The following GALNTL6 variants were observed in gnomAD, a reference collection of about 807,000 sequenced individuals.
GALNTL6 encodes the protein polypeptide N-acetylgalactosaminyltransferase-like 6.
A neutral mutation model predicts 73.7 loss-of-function variants in GALNTL6; 46 were observed. That is an observed-to-expected ratio of 0.62 (90% CI 0.49 to 0.80). GALNTL6 has a LOEUF of 0.80. Among genes scored for constraint, GALNTL6 ranks in the 30% least tolerant of loss-of-function variants. The pLI, the probability that GALNTL6 is intolerant of heterozygous loss-of-function variation, is 0.00. For missense variants in GALNTL6, 604 were observed against 755.0 expected (o/e 0.80, Z 2.34); for synonymous variants, 259 against 263.7 (o/e 0.98, Z 0.17).
At position 172,380,323 on chromosome 4, in the gene GALNTL6, T is replaced by C. The variant is rs960429804; in HGVS notation, c.553+31634T>C. 1.2e-5 allele frequency: 9 copies of C among 731,546 alleles called. No homozygotes were observed. The African/African-American group carries it at 1.6e-4, about 13-fold the overall frequency. The allele number at this position is 731,546 out of a possible 1,614,324, so 45.3% of individuals were successfully genotyped here. A position where few individuals can be genotyped will look rare whatever the true frequency, so the allele number is the denominator to read the frequency against. ...TTGGGTATTCTTCTGGAAGAAATAG[T>C]CCAAGTTTAAAAGTCCCTCCCTCAC... On this transcript the variant is annotated intron_variant, in intron 5 of 12. Transcript: ENST00000506823.
intron 5 of GALNTL6, among the ~76,000 whole-genome samples, chr4:172,728,272 A>G (rs139888887): frequency 5.9e-5 from 9 of 151,416 alleles, no homozygotes; most frequent in African/African-American, 2.2e-4. Flanking sequence ...CTCTTATATT[A>G]CTCCATTTTA....
At chr4:172,156,157 G>T (rs1734248551) in intron 2 of GALNTL6, among the ~76,000 whole-genome samples, 1 of 152,042 alleles carries the variant, frequency 6.6e-6, no homozygotes, top group African/African-American at 2.4e-5. Flanking sequence ...CTGTAAACAG[G>T]AAGTGTCCGA....
chr4:172,993,666 C>T (rs77080358), intron 10 of GALNTL6, among the ~76,000 whole-genome samples: 1 of 152,234 alleles, frequency 6.6e-6, no homozygotes, highest in Non-Finnish European at 1.5e-5. Context: ...TCGCTTCCCT[C>T]AAAACCTCTT....
chr4:172,881,765 A>C (rs1223328559), intron 7 of GALNTL6, among the ~76,000 whole-genome samples: 3 of 152,190 alleles, frequency 2.0e-5, no homozygotes, highest in Non-Finnish European at 4.4e-5. Context: ...GATCTGCATA[A>C]GGGTGTTCTC....
chr4:172,973,496 G>T, intron 10 of GALNTL6, among the ~76,000 whole-genome samples: 1 of 152,168 alleles, frequency 6.6e-6, no homozygotes, highest in East Asian at 1.9e-4. Flanking sequence ...AGAGAGAAAA[G>T]AGGAGATAGG....
At chr4:172,134,013 G>T (rs1402033661) in intron 2 of GALNTL6, among the ~76,000 whole-genome samples, 1 of 152,186 alleles carries the variant, frequency 6.6e-6, no homozygotes. Context: ...CAGAAAATTA[G>T]TTGACTGAAG....
intron 2 of GALNTL6, among the ~76,000 whole-genome samples, chr4:172,184,037 C>G (rs1456332936): frequency 6.6e-6 from 1 of 152,122 alleles, no homozygotes; most frequent in Non-Finnish European, 1.5e-5. Flanking sequence ...GTGATCCACC[C>G]ACCTCGGCCT....
At chr4:172,457,809 GA>G (rs1277589123) in intron 5 of GALNTL6, among the ~76,000 whole-genome samples, 1 of 152,162 alleles carries the variant, frequency 6.6e-6, no homozygotes, top group Non-Finnish European at 1.5e-5. Flanking sequence ...CAACGAGACA[GA>G]AAATTAACAA....
chr4:172,418,243 G>A (rs1395159604), intron 5 of GALNTL6, among the ~76,000 whole-genome samples: 1 of 152,068 alleles, frequency 6.6e-6, no homozygotes, highest in Non-Finnish European at 1.5e-5. Context: ...CAAGATGTTT[G>A]CATTACATTC....
rs10642038 is a variant in GALNTL6 at position 172,529,670 on chromosome 4, TTTGTTGTTGTTG to T, written c.553+181003_553+181014del. On this transcript the variant is annotated intron_variant, in intron 5 of 12. Transcript: ENST00000506823. ...ATGCAAAGTTGGAGTACCTAATTTGTTTGTTGTTGTTGTTGTTGTTGTTGTTGTTGTTGAGAT... is the reference window on the plus strand; with the variant it reads ...ATGCAAAGTTGGAGTACCTAATTTGTTTGTTGTTGTTGTTGTTGTTGAGAT... Among the ~76,000 whole-genome samples, 126 of 148,234 alleles carry T rather than the reference TTTGTTGTTGTTG, an allele frequency of 8.5e-4. 3 individuals carry two copies. In the South Asian group the frequency reaches 0.018, roughly 21 times the overall value.
intron 2 of GALNTL6, among the ~76,000 whole-genome samples, chr4:172,227,087 G>T (rs564577935): frequency 4.6e-5 from 7 of 152,228 alleles, no homozygotes; most frequent in African/African-American, 1.4e-4. Flanking sequence ...ATACTCATGA[G>T]TGAAGTCGTG....
At chr4:172,971,668 A>G (rs1750590035) in intron 10 of GALNTL6, among the ~76,000 whole-genome samples, 2 of 152,224 alleles carry the variant, frequency 1.3e-5, no homozygotes, top group African/African-American at 4.8e-5. Flanking sequence ...TATTGCTTAG[A>G]GAAAGGTAGA....
At chr4:172,392,588 A>G (rs1353589790) in intron 5 of GALNTL6, among the ~76,000 whole-genome samples, 3 of 152,110 alleles carry the variant, frequency 2.0e-5, no homozygotes, top group African/African-American at 4.8e-5. Context: ...ACAGTATTTA[A>G]AGGAAGAGTT....
chr4:171,915,087 CAT>C (rs1406810309), intron 2 of GALNTL6, among the ~76,000 whole-genome samples: 4 of 151,996 alleles, frequency 2.6e-5, no homozygotes, highest in Non-Finnish European at 5.9e-5. Flanking sequence ...AAATTAAAAA[CAT>C]GGGCTATAAC....
intron 2 of GALNTL6, among the ~76,000 whole-genome samples, chr4:172,026,479 C>T (rs1238447335): frequency 6.6e-6 from 1 of 152,040 alleles, no homozygotes; most frequent in African/African-American, 2.4e-5. Context: ...TAGCCACATG[C>T]GCTCCTTGAA....
chr4:173,011,457 A>C (rs1215214242), intron 11 of GALNTL6, among the ~76,000 whole-genome samples: 2 of 152,118 alleles, frequency 1.3e-5, no homozygotes, highest in African/African-American at 4.8e-5. Context: ...GAGTTTCCTC[A>C]ATGTTTTCTT....
At position 171,813,408 on chromosome 4, in the gene GALNTL6, A is replaced by C. The variant is rs1462288444; in HGVS notation, c.-752A>C. The C allele has an allele frequency of 6.6e-6, 1 of 152,250 alleles. No individual in the cohort carries two copies. The highest frequency in any genetic ancestry group is 1.5e-5 in the Non-Finnish European group (1 of 68,072). 9.4% of individuals were successfully genotyped at this position (152,250 alleles called of 1,614,324 possible). On this transcript the variant is annotated 5_prime_UTR_variant, in exon 1 of 13. Transcript: ENST00000506823. This position sits in a 1 kb window ranked among gnomAD's most constrained non-coding sequence, Gnocchi z 5.2. ...GGCTCCGGGCTGCCGCACGTGGCAG[A>C]CACCAGCGACGTCTCCGCGGAAGGC...
chr4:172,692,702 TA>T (rs1733387920), intron 5 of GALNTL6, among the ~76,000 whole-genome samples: 1 of 152,198 alleles, frequency 6.6e-6, no homozygotes, highest in African/African-American at 2.4e-5. Flanking sequence ...CCCTTACTAA[TA>T]AGTTGTATAA....
chr4:171,918,709 G>T (rs1372585294), intron 2 of GALNTL6, among the ~76,000 whole-genome samples: 1 of 152,076 alleles, frequency 6.6e-6, no homozygotes, highest in African/African-American at 2.4e-5. Flanking sequence ...GTTCATGGCA[G>T]CAGTATTCGC....
Sources: gnomAD v4.1 joint callset for allele counts (sites outside exome capture counted in the v4.1 genomes callset) on GRCh38, gnomAD v4.1.1 for gene constraint, Gnocchi (gnomAD v3.1) non-coding constraint, MANE v1.5 for transcripts, NCBI Gene and HGNC (gene_info 2026-07-23, HGNC 2026-07-21) for gene names.